SPATA13: variants seen among roughly 807,000 people sequenced by gnomAD.
SPATA13 encodes the protein spermatogenesis associated 13, also known as spermatogenesis-associated protein 13.
Under a neutral mutation model 104.0 loss-of-function variants are expected in SPATA13, and 50 were observed. The ratio of observed to expected loss-of-function variants is 0.48; its 90% confidence interval spans 0.38 to 0.61. SPATA13 has a LOEUF of 0.61. Ranked by LOEUF, SPATA13 falls within the 20% of genes least tolerant of loss-of-function variation. The pLI is 0.00. For missense variants in SPATA13, 1,524 were observed against 1,690.6 expected (o/e 0.90, Z 1.73); for synonymous variants, 606 against 667.5 (o/e 0.91, Z 1.42).
chr13:24,106,551 T>G (rs545530627), intron 3 of SPATA13, among the ~76,000 whole-genome samples: 11 of 152,320 alleles, frequency 7.2e-5, no homozygotes, highest in African/African-American at 2.4e-4. Context: ...GGTGCATTGC[T>G]CAGCAGTGGG....
intron 3 of SPATA13, chr13:24,017,711 GCCT>G (rs1275495062): frequency 7.1e-6 from 7 of 985,198 alleles, no homozygotes; most frequent in Non-Finnish European, 4.8e-6. Flanking sequence ...GGTAAGAAGG[GCCT>G]CGAGTCCGTT....
At chr13:24,144,060 G>A (rs1304876255) in intron 3 of SPATA13, among the ~76,000 whole-genome samples, 1 of 152,124 alleles carries the variant, frequency 6.6e-6, no homozygotes, top group Admixed American at 6.5e-5. Flanking sequence ...CCACACCCCC[G>A]ACTGTGAATG....
intron 3 of SPATA13, among the ~76,000 whole-genome samples, chr13:24,154,329 G>A (rs1364218475): frequency 1.3e-5 from 2 of 152,014 alleles, no homozygotes; most frequent in African/African-American, 4.8e-5. Context: ...TATTCAAACA[G>A]CAGAATACTA....
intron 2 of SPATA13, among the ~76,000 whole-genome samples, chr13:23,993,494 C>G (rs571198044): frequency 1.0e-3 from 158 of 152,344 alleles, no homozygotes; most frequent in African/African-American, 3.8e-3. Flanking sequence ...AAGCATGCAC[C>G]TCTCAGAAGA....
intron 4 of SPATA13, among the ~76,000 whole-genome samples, chr13:24,274,744 A>G (rs898828932): frequency 6.6e-6 from 1 of 152,250 alleles, no homozygotes. Flanking sequence ...TCTCAAATAC[A>G]TGATTTTAGC....
chr13:24,017,682 G>GT, exon 3 of SPATA13: 1 of 985,348 alleles, frequency 1.0e-6, no homozygotes, highest in Middle Eastern at 5.2e-4. Context: ...GTCTTCAAGA[G>GT]TAGCTGGTGC....
intron 2 of SPATA13, among the ~76,000 whole-genome samples, chr13:23,993,464 G>A (rs140815722): frequency 6.6e-6 from 1 of 152,162 alleles, no homozygotes; most frequent in African/African-American, 2.4e-5. Flanking sequence ...CGGCAATAAG[G>A]CTTCTCTGCA....
At chr13:24,005,148 G>C (rs148498273) in intron 2 of SPATA13, among the ~76,000 whole-genome samples, 52 of 152,320 alleles carry the variant, frequency 3.4e-4, no homozygotes, top group African/African-American at 1.3e-3. Context: ...TGAGTCGCTA[G>C]GGGAGAAGTT....
chr13:24,286,977 G>A lies in SPATA13; in HGVS notation c.2667+27G>A. On this transcript the variant is annotated intron_variant, in intron 7 of 12. Coordinates refer to ENST00000382108, the MANE Select transcript of SPATA13 (RefSeq NM_001166271.3). This position sits in a 1 kb window ranked among gnomAD's most constrained non-coding sequence, Gnocchi z 4.9. ...TGGGACGCCAGGCTGGGACCTCACT[G>A]AGGGTCACAGTATGAGGCTGCATGA... The A allele has an allele frequency of 6.2e-7, 1 of 1,604,512 alleles. No homozygotes were observed. The highest frequency in any genetic ancestry group is 2.2e-5 in the East Asian group (1 of 44,766).
intron 3 of SPATA13, among the ~76,000 whole-genome samples, chr13:24,142,851 T>C (rs1186802439): frequency 1.3e-5 from 2 of 152,178 alleles, no homozygotes; most frequent in Non-Finnish European, 2.9e-5. Context: ...TGGAAGAGTG[T>C]TTCCCTTCCC....
intron 3 of SPATA13, among the ~76,000 whole-genome samples, chr13:24,137,671 A>G (rs1040207871): frequency 1.3e-5 from 2 of 152,064 alleles, no homozygotes; most frequent in Non-Finnish European, 2.9e-5. Flanking sequence ...AGACAGGAAA[A>G]CTGCTTGAGC....
In SPATA13 at chr13:24,161,581, G is replaced by A. The variant is rs1462379031; in HGVS notation, c.-112+649G>A. 6.6e-6 allele frequency among the ~76,000 whole-genome samples: 1 copy of A among 152,142 alleles called. No individual in the cohort carries two copies. The highest frequency in any genetic ancestry group is 1.5e-5 in the Non-Finnish European group (1 of 68,024). ...TTGGTACTCCAGCCCCAGGCAGGTA[G>A]AAGCCCGCGCTGCTGCCAGCGTCAG... On this transcript the variant is annotated intron_variant, in intron 1 of 12. Coordinates refer to ENST00000382108, the MANE Select transcript of SPATA13 (RefSeq NM_001166271.3). This position sits in a 1 kb window ranked among gnomAD's most constrained non-coding sequence, Gnocchi z 4.5.
intron 4 of SPATA13, chr13:24,253,294 T>C (rs1873601751): frequency 6.6e-6 from 1 of 151,652 alleles, no homozygotes; most frequent in Non-Finnish European, 1.5e-5. Context: ...TTCCAAAGAG[T>C]GTTATTCTAA....
At chr13:24,298,255 G>T (rs1264923856) in intron 11 of SPATA13, among the ~76,000 whole-genome samples, 3 of 152,196 alleles carry the variant, frequency 2.0e-5, no homozygotes, top group African/African-American at 7.2e-5. Flanking sequence ...CTTTGGCTGT[G>T]CCTGTGCAAT....
intron 3 of SPATA13, among the ~76,000 whole-genome samples, chr13:24,048,205 A>G (rs1878215901): frequency 6.6e-6 from 1 of 152,244 alleles, no homozygotes; most frequent in African/African-American, 2.4e-5. Flanking sequence ...AGTCAAGTGG[A>G]CACATAAAAT....
intron 8 of SPATA13, 34 bp from the exon 9 acceptor site, chr13:24,290,618 C>T (rs763431145): frequency 5.8e-6 from 9 of 1,564,352 alleles, no homozygotes; most frequent in African/African-American, 2.7e-5. Flanking sequence ...AGAGGCACCC[C>T]AGAAGCTGAC....
intron 2 of SPATA13, among the ~76,000 whole-genome samples, chr13:24,230,724 A>G (rs554706199): frequency 6.6e-6 from 1 of 152,184 alleles, no homozygotes; most frequent in Admixed American, 6.5e-5. Flanking sequence ...TATTGTGCTC[A>G]GGGAGCTGCA....
At chr13:24,081,111 T>C (rs1023927970) in intron 3 of SPATA13, among the ~76,000 whole-genome samples, 1 of 152,230 alleles carries the variant, frequency 6.6e-6, no homozygotes, top group East Asian at 1.9e-4. Context: ...GATGTAAAGA[T>C]GAGTGAACAC....
intron 1 of SPATA13, among the ~76,000 whole-genome samples, chr13:24,193,701 T>G (rs2138556286): frequency 6.6e-6 from 1 of 152,348 alleles, no homozygotes; most frequent in East Asian, 1.9e-4. Context: ...GATTTGGCAC[T>G]TAGCTATGCT....
Sources: allele counts gnomAD v4.1 joint callset (sites outside exome capture counted in the v4.1 genomes callset), GRCh38; gene constraint gnomAD v4.1.1; non-coding constraint Gnocchi (gnomAD v3.1); transcripts MANE v1.5; gene names NCBI Gene and HGNC (gene_info 2026-07-23, HGNC 2026-07-21).